Variants in VPS13C observed in about 807,000 individuals in gnomAD.
The protein encoded by VPS13C is intermembrane lipid transfer protein VPS13C.
VPS13C carries 358 observed loss-of-function variants against 456.8 expected under a neutral mutation model. That is an observed-to-expected ratio of 0.78 (90% CI 0.72 to 0.86). The LOEUF (loss-of-function observed/expected upper bound fraction) is 0.86. Among genes scored for constraint, VPS13C ranks in the 40% least tolerant of loss-of-function variants. The probability of loss-of-function intolerance (pLI) is 0.00; values close to 1 mark genes in which losing one functional copy is unlikely to be tolerated. For missense variants in VPS13C, 4,818 were observed against 4,385.4 expected (o/e 1.10, Z -2.79); for synonymous variants, 1,578 against 1,486.7 (o/e 1.06, Z -1.41).
intron 16 of VPS13C, among the ~76,000 whole-genome samples, chr15:61,993,971 T>C (rs1007325316): frequency 6.6e-6 from 1 of 152,088 alleles, no homozygotes; most frequent in Admixed American, 6.6e-5. Context: ...TATATATATA[T>C]ATATGAGACC....
At chr15:61,984,834 G>A in intron 19 of VPS13C, 23 bp downstream of exon 19, 1 of 1,607,674 alleles carries the variant, frequency 6.2e-7, no homozygotes, top group Non-Finnish European at 8.5e-7. Context: ...AGTAAAAATT[G>A]AAATAAGTTT....
At position 62,053,462 on chromosome 15, in the gene VPS13C, C is replaced by T. The variant is rs181633702; in HGVS notation, c.100+6813G>A. Reference sequence around the variant, plus strand: ...GTCATTGACTGTGGCTCTTTACTCACCAATATCGGGTGAAGAGCAAAAAGG... The same window carrying T: ...GTCATTGACTGTGGCTCTTTACTCATCAATATCGGGTGAAGAGCAAAAAGG... On this transcript the variant is annotated intron_variant, in intron 1 of 84. Transcript: ENST00000644861. Among the ~76,000 whole-genome samples the T allele has an allele frequency of 6.6e-3, 1,007 of 152,280 alleles. 7 individuals carry two copies. Among genetic ancestry groups the T allele is most frequent in the Non-Finnish European group, 0.01 (697 of 68,014 alleles).
At position 61,915,811 on chromosome 15, in the gene VPS13C, T is replaced by C. The variant is rs2043453649; in HGVS notation, c.8267A>G (p.His2756Arg). 1.2e-6 allele frequency: 2 copies of C among 1,613,884 alleles called. No homozygotes were observed. The highest frequency in any genetic ancestry group is 1.7e-5 in the Admixed American group (1 of 59,940). Reference protein sequence around the residue: ...TEVTTVDLSVHVRRIGSRMVL... With the variant: ...TEVTTVDLSVRVRRIGSRMVL... ...CATCCGGCTGCCAATTCTCCTGACGTGGACTGACAGGTCGACTGTCGTCAC... is the reference window on the plus strand; with the variant it reads ...CATCCGGCTGCCAATTCTCCTGACGCGGACTGACAGGTCGACTGTCGTCAC... Residue 2756 changes from histidine (H) to arginine (R), a missense_variant, in exon 61 of 85, where the codon CAC (histidine) becomes CGC (arginine). Around this residue, in one of 3 missense-constraint regions of VPS13C, gnomAD observed 4,552 missense variants for 4,130.6 expected, o/e 1.10. Coordinates refer to ENST00000644861, the MANE Select transcript of VPS13C (RefSeq NM_020821.3).
chr15:61,871,944 T>C (rs756592004), intron 79 of VPS13C, 45 bp downstream of exon 79: 1 of 1,543,510 alleles, frequency 6.5e-7, no homozygotes, highest in African/African-American at 1.4e-5. Context: ...ACTAATAGCA[T>C]CAAGTCTTCA....
rs1428769388 is a variant in VPS13C at position 61,919,455 on chromosome 15, G to GC, written c.7478-7dup. 6.5e-7 allele frequency: 1 copy of GC among 1,531,008 alleles called. No homozygotes were observed. 94.8% of individuals were successfully genotyped at this position (1,531,008 alleles called of 1,614,324 possible). On this transcript the variant is annotated splice_polypyrimidine_tract_variant and splice_region_variant and intron_variant, in intron 57 of 84. Coordinates refer to ENST00000644861, the MANE Select transcript of VPS13C (RefSeq NM_020821.3). ...TTCTGTATATCCATGAGGTACTAAG[G>GC]CAGTGCATAAGTGAAAAGAATTCCA...
chr15:61,928,229 C>A lies in VPS13C; in HGVS notation c.6287-909G>T, dbSNP rs190050609. Among the ~76,000 whole-genome samples, 146 of 151,958 alleles carry A rather than the reference C, an allele frequency of 9.6e-4. 1 individual carries two copies. Among genetic ancestry groups the A allele is most frequent in the African/African-American group, 3.4e-3 (141 of 41,440 alleles). Reference sequence around the variant, plus strand: ...AAAAGAATAATCCTGTTTTGAAGTTCTTTTTATCAGAATTAAAGAATGTGC... The same window carrying A: ...AAAAGAATAATCCTGTTTTGAAGTTATTTTTATCAGAATTAAAGAATGTGC... On this transcript the variant is annotated intron_variant, in intron 51 of 84. Transcript: ENST00000644861.
intron 9 of VPS13C, among the ~76,000 whole-genome samples, chr15:62,014,471 G>A (rs1283522757): frequency 6.6e-6 from 1 of 152,100 alleles, no homozygotes; most frequent in Non-Finnish European, 1.5e-5. Flanking sequence ...GTTAAGAACT[G>A]TTTCAGTGGA....
At chr15:61,918,734 G>A (rs980828290) in intron 58 of VPS13C, among the ~76,000 whole-genome samples, 2 of 151,994 alleles carry the variant, frequency 1.3e-5, no homozygotes, top group African/African-American at 4.8e-5. Flanking sequence ...ATTTGTATCT[G>A]ATGTTACAGG....
chr15:61,861,097 G>T (rs1894202561), intron 82 of VPS13C, among the ~76,000 whole-genome samples: 1 of 151,854 alleles, frequency 6.6e-6, no homozygotes, highest in South Asian at 2.1e-4. Flanking sequence ...GAATAGCTGG[G>T]ATTACAGGCA....
At chr15:61,904,903 C>G (rs564988822) in intron 66 of VPS13C, among the ~76,000 whole-genome samples, 1 of 151,808 alleles carries the variant, frequency 6.6e-6, no homozygotes, top group South Asian at 2.1e-4. Flanking sequence ...AGCACATGTT[C>G]TCACTCATAT....
chr15:61,900,615 C>A (rs1297075607), intron 66 of VPS13C, among the ~76,000 whole-genome samples: 2 of 151,104 alleles, frequency 1.3e-5, no homozygotes, highest in Non-Finnish European at 3.0e-5. Flanking sequence ...AAAGAGGATA[C>A]AAACAAATGG....
At chr15:61,900,522 G>A (rs1596309725) in intron 66 of VPS13C, among the ~76,000 whole-genome samples, 1 of 152,020 alleles carries the variant, frequency 6.6e-6, no homozygotes, top group Admixed American at 6.6e-5. Context: ...GATTCAAAGA[G>A]AATAAAATAC....
At chr15:61,913,052 G>A (rs996650177) in intron 62 of VPS13C, among the ~76,000 whole-genome samples, 1 of 150,450 alleles carries the variant, frequency 6.6e-6, no homozygotes, top group African/African-American at 2.5e-5. Context: ...AGAGGATGTG[G>A]AGAAATAGGA....
At chr15:61,891,825 A>C (rs2140075908) in intron 66 of VPS13C, among the ~76,000 whole-genome samples, 1 of 152,356 alleles carries the variant, frequency 6.6e-6, no homozygotes, top group East Asian at 1.9e-4. Context: ...TCTTTACCAC[A>C]GAAAACCAAA....
At chr15:61,896,302 C>T (rs1566977513) in intron 66 of VPS13C, among the ~76,000 whole-genome samples, 1 of 152,220 alleles carries the variant, frequency 6.6e-6, no homozygotes, top group Non-Finnish European at 1.5e-5. Flanking sequence ...GTGAGCGACA[C>T]AGAAGACGGG....
At chr15:61,918,320 A>C (rs936188700) in intron 58 of VPS13C, 63 bp from the exon 59 acceptor site, 8 of 1,380,212 alleles carry the variant, frequency 5.8e-6, no homozygotes, top group Non-Finnish European at 7.8e-6. Context: ...AAAAAATGAG[A>C]GCCACAAACA....
At chr15:62,044,964 T>G (rs1199650326) in intron 1 of VPS13C, among the ~76,000 whole-genome samples, 1 of 152,166 alleles carries the variant, frequency 6.6e-6, no homozygotes, top group East Asian at 1.9e-4. Flanking sequence ...CGTAAATTAC[T>G]GTAATATATT....
Position 61,962,355 on chromosome 15 carries a change from C to A in VPS13C, c.3603+16G>T, listed in dbSNP as rs748937567. Reference sequence around the variant, plus strand: ...ATTTCAAAGTTGAAAAATCAATATACAAATAATTATTTTACCAGAAGTGAC... The same window carrying A: ...ATTTCAAAGTTGAAAAATCAATATAAAAATAATTATTTTACCAGAAGTGAC... On this transcript the variant is annotated intron_variant, in intron 34 of 84. Transcript: ENST00000644861. 1.7e-5 allele frequency: 26 copies of A among 1,562,592 alleles called. No individual in the cohort carries two copies. Among genetic ancestry groups the A allele is most frequent in the Non-Finnish European group, 5.2e-6 (6 of 1,153,288 alleles).
At chr15:62,051,097 A>C (rs1167029384) in intron 1 of VPS13C, among the ~76,000 whole-genome samples, 1 of 152,214 alleles carries the variant, frequency 6.6e-6, no homozygotes, top group East Asian at 1.9e-4. Flanking sequence ...TAAGAAATAT[A>C]GTCCTATTGT....
Sources: allele counts gnomAD v4.1 joint callset (sites outside exome capture counted in the v4.1 genomes callset), GRCh38; gene constraint gnomAD v4.1.1; regional missense constraint gnomAD v4.1.1; transcripts MANE v1.5; gene names NCBI Gene and HGNC (gene_info 2026-07-23, HGNC 2026-07-21).